The following PKHD1 variants were observed in gnomAD, a reference collection of about 807,000 sequenced individuals.
PKHD1 encodes PKHD1 ciliary IPT domain containing fibrocystin/polyductin.
A neutral mutation model predicts 412.0 loss-of-function variants in PKHD1; 291 were observed. The observed-to-expected ratio is 0.71, with a 90% CI of 0.64 to 0.78. The LOEUF is 0.78. Ranked by LOEUF, PKHD1 falls within the 30% of genes least tolerant of loss-of-function variation. The pLI, the probability that PKHD1 is intolerant of heterozygous loss-of-function variation, is 0.00. For synonymous variants in PKHD1, 1,777 were observed against 1,821.5 expected, an observed-to-expected ratio of 0.98 and a Z score of 0.62; for missense variants, 4,825 against 4,950.7, an observed-to-expected ratio of 0.97 and a Z score of 0.76.
chr6:51,956,715 C>A (rs1007944534), intron 36 of PKHD1, among the ~76,000 whole-genome samples: 8 of 151,984 alleles, frequency 5.3e-5, no homozygotes, highest in African/African-American at 1.7e-4. Flanking sequence ...GCCAGCAAGT[C>A]CTCCCAGATT....
chr6:51,769,467 C>T (rs543910517), intron 55 of PKHD1, among the ~76,000 whole-genome samples: 16 of 151,356 alleles, frequency 1.1e-4, no homozygotes, highest in Admixed American at 7.2e-4. Flanking sequence ...TACATTATAA[C>T]TCTAAACTAT....
chr6:51,737,939 A>G (rs1784063160), intron 60 of PKHD1, among the ~76,000 whole-genome samples: 1 of 152,206 alleles, frequency 6.6e-6, no homozygotes, highest in Non-Finnish European at 1.5e-5. Context: ...TTTTCAGTCT[A>G]TTGAAGAGTA....
Position 51,618,510 on chromosome 6 carries a change from A to G in PKHD1, c.*571T>C, listed in dbSNP as rs1036803147. On this transcript the variant is annotated 3_prime_UTR_variant, in exon 67 of 67. Coordinates refer to ENST00000371117, the MANE Select transcript of PKHD1 (RefSeq NM_138694.4). ...TACTGTAGGTTCTCAATAATGATTG[A>G]ATTTAAACCATGAAATAAAATCCAC... The G allele has an allele frequency of 1.2e-5, 2 of 169,406 alleles. No individual in the cohort carries two copies. Among genetic ancestry groups the G allele is most frequent in the African/African-American group, 4.8e-5 (2 of 41,602 alleles). 10.5% of individuals were successfully genotyped at this position (169,406 alleles called of 1,614,324 possible). A position where few individuals can be genotyped will look rare whatever the true frequency, so the allele number is the denominator to read the frequency against.
Position 51,971,109 on chromosome 6 carries a change from T to C in PKHD1, c.5752-11083A>G, listed in dbSNP as rs115575740. Among the ~76,000 whole-genome samples the C allele has an allele frequency of 8.2e-3, 1,247 of 152,354 alleles. 11 individuals are homozygous for C. Among genetic ancestry groups the C allele is most frequent in the Non-Finnish European group, 0.013 (887 of 68,024 alleles). ...ATTTCTTTCATCAATGTTTTGTAGTTTTCCTTGCAGAGATCTTTCACCTCC... is the reference window on the plus strand; with the variant it reads ...ATTTCTTTCATCAATGTTTTGTAGTCTTCCTTGCAGAGATCTTTCACCTCC... On this transcript the variant is annotated intron_variant, in intron 35 of 66. Coordinates refer to ENST00000371117, the MANE Select transcript of PKHD1 (RefSeq NM_138694.4).
intron 64 of PKHD1, among the ~76,000 whole-genome samples, chr6:51,635,481 C>A (rs1385673784): frequency 2.6e-5 from 4 of 152,074 alleles, no homozygotes; most frequent in Non-Finnish European, 5.9e-5. Context: ...CTATGATGCA[C>A]CAGGCTTTTC....
chr6:52,069,422 C>T (rs750955586), intron 11 of PKHD1, 35 bp downstream of exon 11: 2 of 1,498,976 alleles, frequency 1.3e-6, no homozygotes, highest in South Asian at 2.3e-5. Flanking sequence ...GAGTGAGGCA[C>T]AAGGGAAGGG....
At position 51,855,981 on chromosome 6, in the gene PKHD1, G is replaced by C. The variant is rs1025113366; in HGVS notation, c.7823C>G (p.Ser2608Cys). Residue 2608 changes from serine to cysteine, a missense_variant, in exon 49 of 67, where the codon TCT becomes TGT. Ser to Cys is a moderately radical substitution (Grantham distance 112). Transcript: ENST00000371117. ...TTVNYVRDTL[S>C]NPRGWMALLL... ...CAGAGCCATCCAGCCACGAGGGTTA[G>C]ACAATGTATCACGTACATAATTGAC... 3 of 1,611,054 alleles carry C rather than the reference G, an allele frequency of 1.9e-6. No homozygotes were observed. Among genetic ancestry groups the C allele is most frequent in the African/African-American group, 2.7e-5 (2 of 74,892 alleles).
At chr6:51,686,109 T>C (rs1361628745) in intron 60 of PKHD1, among the ~76,000 whole-genome samples, 1 of 152,134 alleles carries the variant, frequency 6.6e-6, no homozygotes, top group Non-Finnish European at 1.5e-5. Flanking sequence ...GACAGCATTG[T>C]CCTAGATGGA....
chr6:51,986,532 C>T (rs569476282), intron 35 of PKHD1, among the ~76,000 whole-genome samples: 2 of 152,246 alleles, frequency 1.3e-5, no homozygotes, highest in East Asian at 1.9e-4. Context: ...AATAGCACCA[C>T]CTGGGATAGA....
chr6:51,635,432 A>G (rs1048597845), intron 64 of PKHD1, among the ~76,000 whole-genome samples: 2 of 152,190 alleles, frequency 1.3e-5, no homozygotes, highest in East Asian at 3.8e-4. Context: ...AAATAATCTC[A>G]ATATATTCAC....
At chr6:51,756,842 T>C (rs555942570) in intron 55 of PKHD1, among the ~76,000 whole-genome samples, 1 of 152,310 alleles carries the variant, frequency 6.6e-6, no homozygotes, top group East Asian at 1.9e-4. Flanking sequence ...TATTTCTCAG[T>C]AGTCCCCAAG....
chr6:51,896,480 A>C (rs1562560023), intron 43 of PKHD1, among the ~76,000 whole-genome samples: 3 of 152,186 alleles, frequency 2.0e-5, no homozygotes, highest in Admixed American at 1.3e-4. Flanking sequence ...AAACTAACAA[A>C]CAGAAAGGAC....
chr6:51,712,601 G>A (rs1057253449), intron 60 of PKHD1, among the ~76,000 whole-genome samples: 9 of 152,186 alleles, frequency 5.9e-5, no homozygotes, highest in Admixed American at 5.9e-4. Flanking sequence ...TATTTTGCTT[G>A]AACAAAACAT....
At chr6:51,780,572 C>T (rs1791826052) in intron 53 of PKHD1, among the ~76,000 whole-genome samples, 1 of 151,806 alleles carries the variant, frequency 6.6e-6, no homozygotes, top group African/African-American at 2.4e-5. Context: ...AAGATACTCT[C>T]AAATAAATAA....
At chr6:51,739,480 C>T (rs181918712) in intron 60 of PKHD1, among the ~76,000 whole-genome samples, 2 of 152,274 alleles carry the variant, frequency 1.3e-5, no homozygotes, top group Non-Finnish European at 2.9e-5. Flanking sequence ...ATCTGCCTGC[C>T]TCAGCCTCCC....
Position 52,058,397 on chromosome 6 carries a change from G to T in PKHD1, c.1438C>A (p.Pro480Thr). 1 of 1,614,130 alleles carries T rather than the reference G, an allele frequency of 6.2e-7. No homozygotes were observed. Among genetic ancestry groups the T allele is most frequent in the Non-Finnish European group, 8.5e-7 (1 of 1,179,996 alleles). The change falls in exon 16 of 67, where the codon CCT becomes ACT. Residue 480 changes from proline to threonine, a missense_variant. Pro to Thr is a conservative substitution (Grantham distance 38). Coordinates refer to ENST00000371117, the MANE Select transcript of PKHD1 (RefSeq NM_138694.4). The part of the protein sequence containing the change: ...GVQIHNTWLN[P>T]DVVTTYLREK... ...CGTAGGTAAGTGGTGACCACATCAG[G>T]ATTCAGCCAGGTGTTGTGAATCTGG...
At chr6:51,853,690 C>G (rs1263012844) in intron 49 of PKHD1, among the ~76,000 whole-genome samples, 1 of 152,128 alleles carries the variant, frequency 6.6e-6, no homozygotes, top group Non-Finnish European at 1.5e-5. Context: ...GATATCCTTT[C>G]TTTTACTTGG....
At chr6:51,930,053 G>A (rs1181756639) in intron 37 of PKHD1, among the ~76,000 whole-genome samples, 4 of 152,252 alleles carry the variant, frequency 2.6e-5, no homozygotes, top group Middle Eastern at 3.4e-3. Context: ...AGCAAGAGCC[G>A]TAATTACGTT....
chr6:51,901,235 G>C (rs1462735712), intron 43 of PKHD1, among the ~76,000 whole-genome samples: 1 of 152,154 alleles, frequency 6.6e-6, no homozygotes, highest in East Asian at 1.9e-4. Flanking sequence ...GTTTATTGCG[G>C]CATTAGTCAC....
Sources: gnomAD v4.1 joint callset for allele counts (sites outside exome capture counted in the v4.1 genomes callset) on GRCh38, gnomAD v4.1.1 for gene constraint, MANE v1.5 for transcripts, NCBI Gene and HGNC (gene_info 2026-07-23, HGNC 2026-07-21) for gene names.